ZFAT: variants seen among roughly 807,000 people sequenced by gnomAD.
The protein encoded by ZFAT is zinc finger protein ZFAT.
ZFAT carries 64 observed loss-of-function variants against 117.7 expected under a neutral mutation model. That is an observed-to-expected ratio of 0.54 (90% CI 0.44 to 0.67). The LOEUF is 0.67. Among genes scored for constraint, ZFAT ranks in the 30% least tolerant of loss-of-function variants. The pLI is 0.00. For synonymous variants in ZFAT, 679 were observed against 615.0 expected (o/e 1.10, Z -1.54); for missense variants, 1,433 against 1,584.5 (o/e 0.90, Z 1.62).
chr8:134,823,097 C>G, the ZFAT span, among the ~76,000 whole-genome samples: 1 of 152,160 alleles, frequency 6.6e-6, no homozygotes, highest in African/African-American at 2.4e-5. Context: ...ACACTACCAA[C>G]ACCTGGTCAT....
intron 1 of ZFAT, among the ~76,000 whole-genome samples, chr8:134,707,928 G>A (rs904032790): frequency 1.3e-5 from 2 of 152,226 alleles, no homozygotes; most frequent in Non-Finnish European, 2.9e-5. Flanking sequence ...CAATAGTCAA[G>A]TATGGAATCG....
chr8:134,503,087 T>C lies in ZFAT; in HGVS notation c.3492+6532A>G, dbSNP rs529508078. On this transcript the variant is annotated intron_variant, in intron 15 of 15. Coordinates refer to ENST00000377838, the MANE Select transcript of ZFAT (RefSeq NM_020863.4). Reference sequence around the variant, plus strand: ...AGAGACAAAGGCCTGCCACGTAGAGTGCTGCTAACACTAGTTCCTACTAGA... The same window carrying C: ...AGAGACAAAGGCCTGCCACGTAGAGCGCTGCTAACACTAGTTCCTACTAGA... 1.7e-3 allele frequency among the ~76,000 whole-genome samples: 265 copies of C among 152,148 alleles called. 1 individual carries two copies. Among genetic ancestry groups the C allele is most frequent in the African/African-American group, 6.0e-3 (250 of 41,500 alleles).
rs1471534870 is a variant in ZFAT at position 134,478,799 on chromosome 8, T to C, written c.3493-78A>G. The C allele has an allele frequency of 3.3e-6, 5 of 1,502,132 alleles. No individual in the cohort carries two copies. The highest frequency in any genetic ancestry group is 3.6e-6 in the Non-Finnish European group (4 of 1,124,230). The allele number at this position is 1,502,132 out of a possible 1,614,324, so 93.1% of individuals were successfully genotyped here. On this transcript the variant is annotated intron_variant, in intron 15 of 15. Transcript: ENST00000377838. The surrounding 1 kb of genome is among the most constrained non-coding windows in gnomAD (Gnocchi z 5.2). Reference sequence around the variant, plus strand: ...CGTAACAACAAAGTCACAACTACAGTTTAGGAGGCACCAGTGCGCTGCGGG... The same window carrying C: ...CGTAACAACAAAGTCACAACTACAGCTTAGGAGGCACCAGTGCGCTGCGGG...
intron 11 of ZFAT, among the ~76,000 whole-genome samples, chr8:134,535,123 C>T (rs972768508): frequency 7.9e-5 from 12 of 152,210 alleles, no homozygotes; most frequent in Admixed American, 7.2e-4. Flanking sequence ...ACAAGATCTG[C>T]AATCCAGGTT....
intron 11 of ZFAT, among the ~76,000 whole-genome samples, chr8:134,552,764 A>C (rs1428185477): frequency 6.6e-6 from 1 of 152,230 alleles, no homozygotes; most frequent in Non-Finnish European, 1.5e-5. Context: ...TTCAGAAGCA[A>C]AAGCGTCTAA....
chr8:134,744,028 A>C, the ZFAT span, among the ~76,000 whole-genome samples: 1 of 152,196 alleles, frequency 6.6e-6, no homozygotes. Flanking sequence ...CTGCAAACTT[A>C]GTGACTGCAA....
In ZFAT at chr8:134,670,812, G is replaced by T. The variant is rs541593020; in HGVS notation, c.20-13075C>A. 1.1e-4 allele frequency among the ~76,000 whole-genome samples: 16 copies of T among 152,320 alleles called. No homozygotes were observed. In the South Asian group the frequency reaches 3.3e-3, roughly 32 times the overall value. On this transcript the variant is annotated intron_variant, in intron 1 of 15. Coordinates refer to ENST00000377838, the MANE Select transcript of ZFAT (RefSeq NM_020863.4). ...ACCTTCAAAAACTCAATGAATCCAG[G>T]AGCTGGTTTTTTGAAAAGATCAACA...
chr8:134,707,086 G>C (rs924558210), intron 1 of ZFAT, among the ~76,000 whole-genome samples: 2 of 151,852 alleles, frequency 1.3e-5, no homozygotes, highest in African/African-American at 4.8e-5. Context: ...TGCTCACCTG[G>C]TCACAAAGGG....
intron 10 of ZFAT, among the ~76,000 whole-genome samples, chr8:134,578,130 A>T (rs1825446549): frequency 6.6e-6 from 1 of 152,148 alleles, no homozygotes; most frequent in Non-Finnish European, 1.5e-5. Context: ...AAGAATGAAG[A>T]TAGGCTGGGC....
chr8:134,643,070 T>C (rs1219440754), intron 2 of ZFAT, among the ~76,000 whole-genome samples: 1 of 152,244 alleles, frequency 6.6e-6, no homozygotes, highest in African/African-American at 2.4e-5. Context: ...AACTAATCAT[T>C]ATTAAGCACA....
At chr8:134,749,460 G>C in the ZFAT span, among the ~76,000 whole-genome samples, 5 of 152,162 alleles carry the variant, frequency 3.3e-5, no homozygotes, top group Non-Finnish European at 5.9e-5. Flanking sequence ...TCACATGGTA[G>C]AAGGGGCAAG....
chr8:134,660,992 C>G (rs943307779), intron 1 of ZFAT, among the ~76,000 whole-genome samples: 5 of 152,238 alleles, frequency 3.3e-5, no homozygotes, highest in African/African-American at 1.2e-4. Context: ...GGAAACTGGA[C>G]CTGGAGCTCC....
chr8:134,478,139 G>A lies in ZFAT; in HGVS notation c.*343C>T, dbSNP rs1428953417. ...TCAAGGAGCTGGGGCTGTGATTCAG[G>A]GAAGATGCTGAGGGGGACTGGGAGT... On this transcript the variant is annotated 3_prime_UTR_variant, in exon 16 of 16. Coordinates refer to ENST00000377838, the MANE Select transcript of ZFAT (RefSeq NM_020863.4). The surrounding 1 kb of genome is among the most constrained non-coding windows in gnomAD (Gnocchi z 5.2). 17 of 301,466 alleles carry A rather than the reference G, an allele frequency of 5.6e-5. No homozygotes were observed. The East Asian group carries it at 9.6e-4, about 17-fold the overall frequency. 18.7% of individuals were successfully genotyped at this position (301,466 alleles called of 1,614,324 possible). A position where few individuals can be genotyped will look rare whatever the true frequency, so the allele number is the denominator to read the frequency against.
the ZFAT span, among the ~76,000 whole-genome samples, chr8:134,722,181 G>A: frequency 6.6e-6 from 1 of 152,192 alleles, no homozygotes. Flanking sequence ...AATGGCAACG[G>A]GACAGAGCCC....
chr8:134,481,275 C>T (rs1817284831), intron 15 of ZFAT, among the ~76,000 whole-genome samples: 1 of 152,132 alleles, frequency 6.6e-6, no homozygotes, highest in African/African-American at 2.4e-5. Flanking sequence ...TCAGTAAATG[C>T]CACACAAAGG....
At chr8:134,644,746 A>T (rs1830780711) in intron 2 of ZFAT, among the ~76,000 whole-genome samples, 2 of 151,730 alleles carry the variant, frequency 1.3e-5, no homozygotes, top group Non-Finnish European at 1.5e-5. Context: ...CCATATTCAC[A>T]ATCACACACA....
In ZFAT at chr8:134,608,899, C is replaced by T; in HGVS notation, c.635-20G>A. On this transcript the variant is annotated intron_variant, in intron 4 of 15. Transcript: ENST00000377838. ...TAGCACCTGAGATTGATGCAAAAGG[C>T]ATTGCTTATTGAGAGGCATCGAAAG... 1 of 1,594,612 alleles carries T rather than the reference C, an allele frequency of 6.3e-7. No individual in the cohort carries two copies. Among genetic ancestry groups the T allele is most frequent in the Non-Finnish European group, 8.5e-7 (1 of 1,173,480 alleles).
the ZFAT span, among the ~76,000 whole-genome samples, chr8:134,780,837 A>G: frequency 6.6e-6 from 1 of 152,152 alleles, no homozygotes; most frequent in Non-Finnish European, 1.5e-5. Flanking sequence ...ACAAGGAAAG[A>G]CCTACATGAT....
chr8:134,704,103 A>G lies in ZFAT; in HGVS notation c.19+8742T>C, dbSNP rs371483916. 3.8e-3 allele frequency among the ~76,000 whole-genome samples: 574 copies of G among 152,212 alleles called. 8 individuals are homozygous for G. Among genetic ancestry groups the G allele is most frequent in the African/African-American group, 0.013 (539 of 41,530 alleles). On this transcript the variant is annotated intron_variant, in intron 1 of 15. Transcript: ENST00000377838. ...AGGGCTGTTAGACAGCAGGACCAGG[A>G]CTTCACCCAGTTCTGCTTCCCCCCA... is the stretch of plus-strand genomic sequence containing the variant.
Sources: allele counts gnomAD v4.1 joint callset (sites outside exome capture counted in the v4.1 genomes callset), GRCh38; gene constraint gnomAD v4.1.1; non-coding constraint Gnocchi (gnomAD v3.1); transcripts MANE v1.5; gene names NCBI Gene and HGNC (gene_info 2026-07-23, HGNC 2026-07-21).